The following CHID1 variants were observed in gnomAD, a reference collection of about 807,000 sequenced individuals.
CHID1 encodes the protein chitinase domain-containing protein 1.
In CHID1, 44 loss-of-function variants were observed where a neutral mutation model predicts 55.4. The ratio of observed to expected loss-of-function variants is 0.79; its 90% CI spans 0.62 to 1.02. The LOEUF is 1.02. Ranked by LOEUF, CHID1 falls within the 50% of genes least tolerant of loss-of-function variation. CHID1 has a pLI of 0.00. For missense variants in CHID1, 491 were observed against 515.3 expected, an observed-to-expected ratio of 0.95 and a Z score of 0.46; for synonymous variants, 216 against 212.9, an observed-to-expected ratio of 1.01 and a Z score of -0.13.
intron 8 of CHID1, among the ~76,000 whole-genome samples, chr11:886,583 T>G (rs1249572912): frequency 6.6e-6 from 1 of 152,222 alleles, no homozygotes; most frequent in African/African-American, 2.4e-5. Context: ...GACGAGGCCA[T>G]GATGACGCGC....
intron 10 of CHID1, among the ~76,000 whole-genome samples, chr11:880,101 C>T (rs1162668553): frequency 6.6e-6 from 1 of 152,238 alleles, no homozygotes; most frequent in Non-Finnish European, 1.5e-5. Flanking sequence ...AGAGCTGGCA[C>T]CCAGTGACTG....
chr11:884,384 CCTCT>C (rs943492413), intron 8 of CHID1, among the ~76,000 whole-genome samples: 30 of 152,170 alleles, frequency 2.0e-4, no homozygotes, highest in Non-Finnish European at 3.4e-4. Flanking sequence ...GGCCCAGAGG[CCTCT>C]CTGAGACCAG....
At chr11:881,447 GGGC>G (rs1849915789) in intron 10 of CHID1, among the ~76,000 whole-genome samples, 2 of 111,058 alleles carry the variant, frequency 1.8e-5, no homozygotes, top group African/African-American at 7.3e-5. Flanking sequence ...GGACCACGTC[GGGC>G]GGTAGGCTGG....
At chr11:903,431 C>A (rs1851972977) in intron 2 of CHID1, among the ~76,000 whole-genome samples, 2 of 152,248 alleles carry the variant, frequency 1.3e-5, no homozygotes, top group Admixed American at 1.3e-4. Flanking sequence ...TGCACCAGCT[C>A]TGGCCACTCG....
intron 1 of CHID1, 32 bp from the exon 2 acceptor site, chr11:904,891 C>G: frequency 6.2e-7 from 1 of 1,606,926 alleles, no homozygotes; most frequent in Non-Finnish European, 8.5e-7. Context: ...TTCAAACAAC[C>G]GGCAGAGAAA....
chr11:904,167 C>G (rs1852034413), intron 2 of CHID1, among the ~76,000 whole-genome samples: 1 of 152,196 alleles, frequency 6.6e-6, no homozygotes, highest in Non-Finnish European at 1.5e-5. Flanking sequence ...GGTTTATTTG[C>G]CCCCATACAG....
At chr11:903,266 G>A (rs540700470) in intron 2 of CHID1, among the ~76,000 whole-genome samples, 155 bp from the exon 3 acceptor site, 1 of 152,196 alleles carries the variant, frequency 6.6e-6, no homozygotes, top group Non-Finnish European at 1.5e-5. Context: ...TGAGGATCGA[G>A]GCCACAGCAG....
intron 8 of CHID1, among the ~76,000 whole-genome samples, chr11:891,146 G>A (rs1352850702): frequency 1.3e-5 from 2 of 152,162 alleles, no homozygotes; most frequent in African/African-American, 4.8e-5. Context: ...TGGGGCTGTA[G>A]CCAGAGTCTC....
chr11:889,951 G>T (rs966889060), intron 8 of CHID1, among the ~76,000 whole-genome samples: 2 of 152,136 alleles, frequency 1.3e-5, no homozygotes, highest in Non-Finnish European at 2.9e-5. Flanking sequence ...GGGTCGCCTG[G>T]CCCCTGTCTG....
At chr11:896,495 ATGAGG>A (rs1565190782) in intron 7 of CHID1, among the ~76,000 whole-genome samples, 9 of 111,382 alleles carry the variant, frequency 8.1e-5, no homozygotes, top group Non-Finnish European at 9.1e-5. Flanking sequence ...CACCCCAGAC[ATGAGG>A]CTGTCTCAGC....
intron 8 of CHID1, among the ~76,000 whole-genome samples, chr11:887,328 C>T (rs1029689195): frequency 5.3e-5 from 8 of 152,300 alleles, no homozygotes; most frequent in East Asian, 1.9e-4. Context: ...ACACGCAGCC[C>T]GTCGTTGCTT....
rs527609880 is a variant in CHID1, at chr11:882,036, A to T, written c.959+1112T>A. Among the ~76,000 whole-genome samples the T allele has an allele frequency of 2.1e-4, 32 of 149,722 alleles. No homozygotes were observed. In the Middle Eastern group the frequency reaches 0.011, roughly 52 times the overall value. On this transcript the variant is annotated intron_variant, in intron 10 of 12. Coordinates refer to ENST00000323578, the MANE Select transcript of CHID1 (RefSeq NM_023947.4). Reference sequence around the variant, plus strand: ...AAAAAAAAAAAGAAAACAGAGAAAAAAGAATCCCAGCCCGGTGTGGTGGCT... The same window carrying T: ...AAAAAAAAAAAGAAAACAGAGAAAATAGAATCCCAGCCCGGTGTGGTGGCT...
intron 8 of CHID1, among the ~76,000 whole-genome samples, chr11:891,910 C>T (rs1341975677): frequency 6.9e-6 from 1 of 145,040 alleles, no homozygotes; most frequent in Non-Finnish European, 1.5e-5. Flanking sequence ...TCAAGACCAG[C>T]CTGGGCAACA....
chr11:911,315 G>C (rs566430888), upstream of CHID1: 1 of 152,230 alleles, frequency 6.6e-6, no homozygotes, highest in Non-Finnish European at 1.5e-5. Context: ...AGCGGGGACT[G>C]CCCGAAACGC....
In CHID1 at chr11:899,994, C is replaced by T. The variant is rs1174331648; in HGVS notation, c.546+10G>A. 1.2e-6 allele frequency: 2 copies of T among 1,603,828 alleles called. No individual in the cohort carries two copies. Among genetic ancestry groups the T allele is most frequent in the Non-Finnish European group, 8.5e-7 (1 of 1,170,940 alleles). On this transcript the variant is annotated intron_variant, in intron 6 of 12. Coordinates refer to ENST00000323578, the MANE Select transcript of CHID1 (RefSeq NM_023947.4). ...TGTGCTCAGAGGCTGGAGCAGCACA[C>T]AGGTCTCACCTTTGCCACCTGGACC... is the stretch of plus-strand genomic sequence containing the variant.
Position 903,323 on chromosome 11 carries a change from C to T in CHID1, c.112-212G>A, listed in dbSNP as rs996095427. 5.3e-5 allele frequency among the ~76,000 whole-genome samples: 8 copies of T among 152,220 alleles called. No individual in the cohort carries two copies. The South Asian group carries it at 1.0e-3, about 20-fold the overall frequency. On this transcript the variant is annotated intron_variant, in intron 2 of 12. Transcript: ENST00000323578. ...CTGGCCGTCAACAGACACTGGCCGA[C>T]GGTACAGGGCCTTTCCCACCCTTGC...
intron 10 of CHID1, 61 bp from the exon 11 acceptor site, chr11:870,560 AC>A: frequency 2.4e-6 from 3 of 1,237,224 alleles, no homozygotes; most frequent in Non-Finnish European, 3.5e-6. Flanking sequence ...CCCACCCTGT[AC>A]CCCCAAAGGC....
intron 1 of CHID1, among the ~76,000 whole-genome samples, chr11:906,631 G>A (rs1427106223): frequency 6.6e-6 from 1 of 152,156 alleles, no homozygotes; most frequent in African/African-American, 2.4e-5. Flanking sequence ...CAATGAAGAC[G>A]CTACAAGACA....
chr11:880,802 C>T (rs1849860488), intron 10 of CHID1, among the ~76,000 whole-genome samples: 1 of 152,202 alleles, frequency 6.6e-6, no homozygotes, highest in Non-Finnish European at 1.5e-5. Flanking sequence ...GAGGCCTCCA[C>T]AAAAAGGACC....
Sources: gnomAD v4.1 joint callset for allele counts (sites outside exome capture counted in the v4.1 genomes callset) on GRCh38, gnomAD v4.1.1 for gene constraint, MANE v1.5 for transcripts, NCBI Gene and HGNC (gene_info 2026-07-23, HGNC 2026-07-21) for gene names.